The following MAP6 variants were observed in gnomAD, a reference collection of about 807,000 sequenced individuals.
MAP6 encodes microtubule associated protein 6.
MAP6 carries 26 observed loss-of-function variants against 42.4 expected under a neutral mutation model. The observed-to-expected ratio is 0.61, with a 90% CI of 0.45 to 0.85. The LOEUF (loss-of-function observed/expected upper bound fraction) is 0.85. Among genes scored for constraint, MAP6 ranks in the 40% least tolerant of loss-of-function variants. MAP6 has a pLI of 0.00. For missense variants in MAP6, 966 were observed against 1,099.0 expected, an observed-to-expected ratio of 0.88 and a Z score of 1.71; for synonymous variants, 418 against 443.8, an observed-to-expected ratio of 0.94 and a Z score of 0.73.
intron 1 of MAP6, among the ~76,000 whole-genome samples, chr11:75,637,526 G>A (rs1346973647): frequency 6.6e-6 from 1 of 152,090 alleles, no homozygotes; most frequent in African/African-American, 2.4e-5. Context: ...AAATGAAAAG[G>A]TGGAGCTGGA....
intron 1 of MAP6, among the ~76,000 whole-genome samples, chr11:75,635,337 C>T (rs2135642500): frequency 6.6e-6 from 1 of 152,346 alleles, no homozygotes; most frequent in East Asian, 1.9e-4. Context: ...CCTCCTACAT[C>T]TGCCATGAGG....
chr11:75,603,022 G>A (rs934765667), intron 3 of MAP6: 8 of 985,574 alleles, frequency 8.1e-6, no homozygotes, highest in African/African-American at 1.7e-5. Flanking sequence ...AGAGGTGTGC[G>A]CTACATGTTA....
At chr11:75,661,749 T>G (rs1396645203) in intron 1 of MAP6, among the ~76,000 whole-genome samples, 1 of 152,078 alleles carries the variant, frequency 6.6e-6, no homozygotes, top group East Asian at 1.9e-4. Context: ...TTTAGAAACT[T>G]TCCCACATCC....
At chr11:75,662,130 G>T (rs964709907) in intron 1 of MAP6, among the ~76,000 whole-genome samples, 3 of 152,072 alleles carry the variant, frequency 2.0e-5, no homozygotes, top group African/African-American at 7.2e-5. Context: ...AGAGAACCCA[G>T]ATATAATATC....
Position 75,667,915 on chromosome 11 carries a change from C to A in MAP6, c.455G>T (p.Arg152Leu). 2 of 1,416,160 alleles carry A rather than the reference C, an allele frequency of 1.4e-6. No homozygotes were observed. The highest frequency in any genetic ancestry group is 1.8e-6 in the Non-Finnish European group (2 of 1,081,450). The allele number at this position is 1,416,160 out of a possible 1,614,324, so 87.7% of individuals were successfully genotyped here. ...GAAGTCCTTCTGGTACTGGGTCTCG[C>A]GCTCGAAGGGAGCGTCGGAGGGCTG... ...EYQPSDAPFE[R>L]ETQYQKDFRA... The change falls in exon 1 of 4, where the codon CGC (arginine) becomes CTC (leucine). Residue 152 changes from arginine (R) to leucine (L), a missense_variant. Coordinates refer to ENST00000304771, the MANE Select transcript of MAP6 (RefSeq NM_033063.2). This position sits in a 1 kb window ranked among gnomAD's most constrained non-coding sequence, Gnocchi z 5.6.
intron 1 of MAP6, among the ~76,000 whole-genome samples, chr11:75,624,789 C>G (rs757693728): frequency 1.3e-5 from 2 of 152,252 alleles, no homozygotes; most frequent in Non-Finnish European, 2.9e-5. Context: ...ACGTCCCTAC[C>G]TGGCTCCAGG....
intron 1 of MAP6, among the ~76,000 whole-genome samples, chr11:75,644,431 A>G (rs1943523488): frequency 6.6e-6 from 1 of 152,190 alleles, no homozygotes; most frequent in Non-Finnish European, 1.5e-5. Flanking sequence ...TTATGGTATT[A>G]ATTTTGTTAT....
chr11:75,611,205 C>A (rs1321568715), intron 1 of MAP6, among the ~76,000 whole-genome samples: 1 of 152,224 alleles, frequency 6.6e-6, no homozygotes, highest in African/African-American at 2.4e-5. Flanking sequence ...TGGGCCTGGG[C>A]CTCCAGGACC....
chr11:75,667,580 CCG>C lies in MAP6; in HGVS notation c.788_789del (p.Ala263GlyfsTer41). 7.1e-7 allele frequency: 1 copy of C among 1,410,658 alleles called. No individual in the cohort carries two copies. Among genetic ancestry groups the C allele is most frequent in the Non-Finnish European group, 9.2e-7 (1 of 1,092,576 alleles). The allele number at this position is 1,410,658 out of a possible 1,614,324, so 87.4% of individuals were successfully genotyped here. ...CCGGTGGCCTGGACCTGGGCCTGGG[CCG>C]CGGGCAGCGGCGTCTGCTCGTGCCC... Reference protein sequence around the residue: ...GLGHEQTPLPAAQAQVQATGP... With the variant: ...GLGHEQTPLPXAQAQVQATGP... On this transcript the variant is annotated frameshift_variant, in exon 1 of 4. Transcript: ENST00000304771. LOFTEE classifies it high-confidence loss of function. The surrounding 1 kb of genome is among the most constrained non-coding windows in gnomAD (Gnocchi z 5.6).
chr11:75,652,966 C>G (rs536790870), intron 1 of MAP6, among the ~76,000 whole-genome samples: 1 of 152,168 alleles, frequency 6.6e-6, no homozygotes, highest in Non-Finnish European at 1.5e-5. Context: ...CTCCGACTGC[C>G]ATCCCTACTC....
At chr11:75,651,441 T>C (rs776338987) in intron 1 of MAP6, among the ~76,000 whole-genome samples, 1 of 152,154 alleles carries the variant, frequency 6.6e-6, no homozygotes, top group Non-Finnish European at 1.5e-5. Context: ...GGTAGAGCTC[T>C]CTTCTGTGCT....
rs747455014 is a variant in MAP6 at position 75,588,168 on chromosome 11, C to G, written c.1333G>C (p.Val445Leu). The G allele has an allele frequency of 6.2e-7, 1 of 1,612,046 alleles. No homozygotes were observed. The highest frequency in any genetic ancestry group is 8.5e-7 in the Non-Finnish European group (1 of 1,179,398). ...CCTTGAGTCTTACTTGAATCACTGA[C>G]GGGTTGAGCCAGGCTCCTGCAAAGG... The part of the protein sequence containing the change: ...AEAKESLAQP[V>L]SDSSKTQGPV... The change falls in exon 4 of 4, where the codon GTC (valine) becomes CTC (leucine). Residue 445 changes from valine to leucine, a missense_variant. Physicochemically the swap from Val to Leu is conservative, Grantham distance 32. Around this residue, in one of 2 missense-constraint regions of MAP6, gnomAD observed 943 missense variants for 1,049.9 expected, o/e 0.90. Transcript: ENST00000304771.
In MAP6 at chr11:75,587,371, G is replaced by C. The variant is rs1942373873; in HGVS notation, c.2130C>G (p.Pro710=). The C allele has an allele frequency of 6.2e-7, 1 of 1,613,804 alleles. No homozygotes were observed. The highest frequency in any genetic ancestry group is 1.1e-5 in the South Asian group (1 of 91,064). ...APVKNQGPVV[P]ESVKNQDPIL... ...TGGGGTCTTGATTCTTCACGGACTC[G>C]GGGACCACAGGACCTTGATTCTTTA... The change falls in exon 4 of 4, where the codon CCC becomes CCG. Residue 710 remains proline (P), a synonymous_variant. Transcript: ENST00000304771.
At chr11:75,662,369 T>A (rs1199820254) in intron 1 of MAP6, among the ~76,000 whole-genome samples, 1 of 152,236 alleles carries the variant, frequency 6.6e-6, no homozygotes, top group Non-Finnish European at 1.5e-5. Flanking sequence ...TATATGTGTA[T>A]GTGATTTTGT....
chr11:75,641,126 C>A (rs935214956), intron 1 of MAP6, among the ~76,000 whole-genome samples: 1 of 152,134 alleles, frequency 6.6e-6, no homozygotes, highest in African/African-American at 2.4e-5. Context: ...AAATGTGGCA[C>A]ATATACACCA....
rs564394736 is a variant in MAP6 at position 75,665,738 on chromosome 11, G to GCATAAAAACATAGTGAA, written c.905+1710_905+1726dup. On this transcript the variant is annotated intron_variant, in intron 1 of 3. Transcript: ENST00000304771. ...TTCTTTTGCTCCCCGCTTGGTAGCA[G>GCATAAAAACATAGTGAA]CATAAAAACATAGTGAACATTCTAC... is the stretch of plus-strand genomic sequence containing the variant. Among the ~76,000 whole-genome samples, 77 of 152,304 alleles carry GCATAAAAACATAGTGAA rather than the reference G, an allele frequency of 5.1e-4. 1 individual carries two copies. The highest frequency in any genetic ancestry group is 4.4e-3 in the Admixed American group (68 of 15,298).
intron 1 of MAP6, among the ~76,000 whole-genome samples, chr11:75,630,984 C>T (rs1943276064): frequency 6.6e-6 from 1 of 152,190 alleles, no homozygotes; most frequent in Non-Finnish European, 1.5e-5. Context: ...GTCAGAGGAG[C>T]ATACTTTGAA....
At chr11:75,617,723 G>A (rs1209656534) in intron 1 of MAP6, among the ~76,000 whole-genome samples, 1 of 151,948 alleles carries the variant, frequency 6.6e-6, no homozygotes, top group Non-Finnish European at 1.5e-5. Flanking sequence ...TATACCTCAA[G>A]TAGAAAGAAA....
At chr11:75,605,682 A>G in intron 3 of MAP6, 126 bp downstream of exon 3, 1 of 1,485,936 alleles carries the variant, frequency 6.7e-7, no homozygotes, top group Non-Finnish European at 8.9e-7. Flanking sequence ...TGGAACACTC[A>G]GGACCAAGGC....
Sources: allele counts gnomAD v4.1 joint callset (sites outside exome capture counted in the v4.1 genomes callset), GRCh38; gene constraint gnomAD v4.1.1; regional missense constraint gnomAD v4.1.1; non-coding constraint Gnocchi (gnomAD v3.1); transcripts MANE v1.5; gene names NCBI Gene and HGNC (gene_info 2026-07-23, HGNC 2026-07-21).